Variants in ANKIB1 observed in about 807,000 individuals in gnomAD.
The protein encoded by ANKIB1 is ankyrin repeat and IBR domain containing 1.
In ANKIB1, 43 loss-of-function variants were observed where a neutral mutation model predicts 122.1. The ratio of observed to expected loss-of-function variants is 0.35; its 90% CI spans 0.28 to 0.45. The LOEUF (loss-of-function observed/expected upper bound fraction) is 0.45. ANKIB1 is among the 20% of genes least tolerant of loss of function. The pLI is 1.00. For synonymous variants in ANKIB1, 390 were observed against 442.0 expected (o/e 0.88, Z 1.48); for missense variants, 992 against 1,329.5 (o/e 0.75, Z 3.95).
chr7:92,382,948 A>G (rs1585136650), intron 11 of ANKIB1, among the ~76,000 whole-genome samples: 1 of 152,214 alleles, frequency 6.6e-6, no homozygotes, highest in South Asian at 2.1e-4. Context: ...CAATGAGTCC[A>G]GGAGCTGGTT....
intron 4 of ANKIB1, among the ~76,000 whole-genome samples, chr7:92,327,195 T>C (rs572319495): frequency 1.3e-5 from 2 of 152,236 alleles, no homozygotes; most frequent in Non-Finnish European, 2.9e-5. Flanking sequence ...CATTATACTA[T>C]GATATTTTAT....
intron 11 of ANKIB1, among the ~76,000 whole-genome samples, chr7:92,371,833 A>G (rs1804261600): frequency 6.6e-6 from 1 of 152,036 alleles, no homozygotes; most frequent in Non-Finnish European, 1.5e-5. Context: ...AAACAAAAAC[A>G]AAAAGGTAAG....
intron 3 of ANKIB1, 78 bp from the exon 4 acceptor site, chr7:92,319,251 AT>A (rs1160657637): frequency 4.6e-6 from 4 of 876,210 alleles, no homozygotes; most frequent in Non-Finnish European, 6.8e-6. Context: ...ATTTTATTAT[AT>A]TTTTAATGTT....
chr7:92,294,232 T>A (rs1802307063), intron 1 of ANKIB1, among the ~76,000 whole-genome samples: 1 of 152,212 alleles, frequency 6.6e-6, no homozygotes, highest in Non-Finnish European at 1.5e-5. Flanking sequence ...TTTGATGTTT[T>A]CAGACTTAAA....
chr7:92,387,147 C>A (rs1804672731), intron 12 of ANKIB1, among the ~76,000 whole-genome samples: 1 of 152,080 alleles, frequency 6.6e-6, no homozygotes, highest in Non-Finnish European at 1.5e-5. Flanking sequence ...ACAGAGAGAC[C>A]TCTGGTGCCC....
At chr7:92,371,688 T>C (rs1804257702) in intron 11 of ANKIB1, 81 bp downstream of exon 11, 6 of 1,464,074 alleles carry the variant, frequency 4.1e-6, no homozygotes, top group Non-Finnish European at 5.5e-6. Flanking sequence ...GGATAAATTA[T>C]TTGAGGGGGC....
intron 1 of ANKIB1, among the ~76,000 whole-genome samples, chr7:92,291,375 G>A (rs1329597391): frequency 6.6e-6 from 1 of 151,692 alleles, no homozygotes; most frequent in Non-Finnish European, 1.5e-5. Flanking sequence ...CATTTACCCT[G>A]GTGTGATTAT....
chr7:92,400,632 A>ATCCTTGTAC lies in ANKIB1; in HGVS notation c.*1684_*1685insCCTTGTACT, dbSNP rs1286726009. 36 of 152,174 alleles carry ATCCTTGTAC rather than the reference A, an allele frequency of 2.4e-4. No homozygotes were observed. The highest frequency in any genetic ancestry group is 8.7e-4 in the African/African-American group (36 of 41,518). 9.4% of individuals were successfully genotyped at this position (152,174 alleles called of 1,614,324 possible). A position where few individuals can be genotyped will look rare whatever the true frequency, so the allele number is the denominator to read the frequency against. On this transcript the variant is annotated 3_prime_UTR_variant, in exon 20 of 20. Transcript: ENST00000265742. ...CTTTTGAAATATCCTTGTACTTAAA[A>ATCCTTGTAC]TTCATATTGCTAAGACACTGTATTA...
chr7:92,279,044 G>A (rs908098268), intron 1 of ANKIB1, among the ~76,000 whole-genome samples: 1 of 152,128 alleles, frequency 6.6e-6, no homozygotes, highest in Non-Finnish European at 1.5e-5. Context: ...GATGGTGTCG[G>A]GATGAAACTG....
chr7:92,262,277 T>C (rs1293094555), intron 1 of ANKIB1, among the ~76,000 whole-genome samples: 1 of 152,210 alleles, frequency 6.6e-6, no homozygotes, highest in African/African-American at 2.4e-5. Context: ...TATAAATTAA[T>C]TCTTTTTCTC....
intron 1 of ANKIB1, among the ~76,000 whole-genome samples, chr7:92,274,265 A>G (rs919116893): frequency 2.6e-5 from 4 of 152,214 alleles, no homozygotes; most frequent in Middle Eastern, 3.2e-3. Context: ...AAACAAGAGT[A>G]TAGATGTAGT....
At chr7:92,387,927 T>G (rs902312987) in intron 13 of ANKIB1, 43 bp downstream of exon 13, 1 of 1,606,426 alleles carries the variant, frequency 6.2e-7, no homozygotes, top group Non-Finnish European at 8.5e-7. Context: ...TATACTGTTG[T>G]GAATAAATAA....
intron 1 of ANKIB1, among the ~76,000 whole-genome samples, chr7:92,253,965 T>C (rs1273885662): frequency 6.6e-6 from 1 of 152,190 alleles, no homozygotes; most frequent in South Asian, 2.1e-4. Flanking sequence ...ATAGAAGTGA[T>C]CTATGAGTTC....
chr7:92,320,695 C>T (rs1056217996), intron 4 of ANKIB1, among the ~76,000 whole-genome samples: 1 of 152,190 alleles, frequency 6.6e-6, no homozygotes, highest in Non-Finnish European at 1.5e-5. Flanking sequence ...TCTAAGCCCT[C>T]ACCACCTTCA....
intron 5 of ANKIB1, among the ~76,000 whole-genome samples, chr7:92,331,640 C>T (rs1392010656): frequency 1.3e-5 from 2 of 152,052 alleles, no homozygotes; most frequent in Non-Finnish European, 2.9e-5. Flanking sequence ...GCCAGCTAGT[C>T]AGAAAGAGAA....
rs1428512150 is a variant in ANKIB1, at chr7:92,246,243, C to A, written c.-367C>A. 7.9e-6 allele frequency: 3 copies of A among 381,940 alleles called. No individual in the cohort carries two copies. Among genetic ancestry groups the A allele is most frequent in the East Asian group, 1.2e-4 (1 of 8,452 alleles). The allele number at this position is 381,940 out of a possible 1,614,324, so 23.7% of individuals were successfully genotyped here. A position where few individuals can be genotyped will look rare whatever the true frequency, so the allele number is the denominator to read the frequency against. ...CCCCCGAGTGAGGCGGCGCAGCGGCCGGAGAGGGATGGGGGGCGCCCACCC... is the reference window on the plus strand; with the variant it reads ...CCCCCGAGTGAGGCGGCGCAGCGGCAGGAGAGGGATGGGGGGCGCCCACCC... On this transcript the variant is annotated 5_prime_UTR_variant, in exon 1 of 20. Transcript: ENST00000265742.
intron 11 of ANKIB1, among the ~76,000 whole-genome samples, chr7:92,385,996 T>G (rs1413288275): frequency 6.6e-6 from 1 of 152,256 alleles, no homozygotes; most frequent in Admixed American, 6.5e-5. Context: ...ATTTTCATAC[T>G]GAATGCTCAT....
chr7:92,265,298 T>C (rs1459287296), intron 1 of ANKIB1, among the ~76,000 whole-genome samples: 1 of 151,492 alleles, frequency 6.6e-6, no homozygotes, highest in East Asian at 1.9e-4. Flanking sequence ...GAGACAAAGA[T>C]GGAAGGATGA....
chr7:92,260,292 T>G (rs931970862), intron 1 of ANKIB1, among the ~76,000 whole-genome samples: 1 of 152,160 alleles, frequency 6.6e-6, no homozygotes, highest in African/African-American at 2.4e-5. Flanking sequence ...CAGGGTATGC[T>G]CCTATGCATG....
Sources: gnomAD v4.1 joint callset for allele counts (sites outside exome capture counted in the v4.1 genomes callset) on GRCh38, gnomAD v4.1.1 for gene constraint, MANE v1.5 for transcripts, NCBI Gene and HGNC (gene_info 2026-07-23, HGNC 2026-07-21) for gene names.